Variants in CAGE1 observed in about 807,000 individuals in gnomAD.
CAGE1 encodes the protein cancer-associated gene 1 protein.
CAGE1 carries 66 observed loss-of-function variants against 94.9 expected under a neutral mutation model. The observed-to-expected ratio is 0.70, with a 90% CI of 0.57 to 0.85. CAGE1 has a LOEUF of 0.85. CAGE1 is among the 40% of genes least tolerant of loss of function. The pLI, the probability that CAGE1 is intolerant of heterozygous loss-of-function variation, is 0.00. For synonymous variants in CAGE1, 319 were observed against 321.0 expected (o/e 0.99, Z 0.07); for missense variants, 865 against 950.4 (o/e 0.91, Z 1.18).
At chr6:7,387,556 C>T (rs78768698) in intron 1 of CAGE1, among the ~76,000 whole-genome samples, 2,912 of 150,956 alleles carry the variant, frequency 0.019, 93 homozygotes, top group African/African-American at 0.065. Context: ...CACTTGAACA[C>T]CTCACTACCA....
intron 1 of CAGE1, among the ~76,000 whole-genome samples, chr6:7,388,032 CAAAAAAAAAAAAAA>C (rs70978963): frequency 6.2e-5 from 4 of 64,940 alleles, no homozygotes; most frequent in African/African-American, 1.7e-4. Context: ...GACTCCATCT[CAAAAAAAAAAAAAA>C]AAAAAAAAAG....
chr6:7,349,956 GA>G lies in CAGE1; in HGVS notation c.2369+5084del, dbSNP rs1381165829. 8.7e-3 allele frequency among the ~76,000 whole-genome samples: 1,238 copies of G among 142,944 alleles called. 21 individuals carry two copies. The highest frequency in any genetic ancestry group is 0.029 in the African/African-American group (1,137 of 38,734). The allele number at this position is 142,944 out of a possible 152,430, so 93.8% of individuals were successfully genotyped here. A position where few individuals can be genotyped will look rare whatever the true frequency, so the allele number is the denominator to read the frequency against. On this transcript the variant is annotated intron_variant, in intron 11 of 13. Coordinates refer to ENST00000502583, the MANE Select transcript of CAGE1 (RefSeq NM_001170692.2). ...TCAAAAAAAAAAAAAAAGAAAGAAA[GA>G]AAGAAAGAAGAAAAAAAAAGAACTC...
intron 7 of CAGE1, among the ~76,000 whole-genome samples, chr6:7,368,252 CAA>C (rs57530544): frequency 0.13 from 10,998 of 84,222 alleles, 371 homozygotes; most frequent in South Asian, 0.17. Context: ...GACTCTGTCT[CAA>C]AAAAAAAAAA....
At chr6:7,352,176 T>A (rs7748550) in intron 11 of CAGE1, among the ~76,000 whole-genome samples, 2,408 of 151,708 alleles carry the variant, frequency 0.016, 86 homozygotes, top group African/African-American at 0.055. Flanking sequence ...ACAAACGAAT[T>A]CAGCAACGTT....
At chr6:7,385,716 ATT>A in intron 3 of CAGE1, 67 bp downstream of exon 3, 1 of 835,184 alleles carries the variant, frequency 1.2e-6, no homozygotes, top group Non-Finnish European at 1.8e-6. Context: ...AAACCTGGCT[ATT>A]GTTACTATCA....
chr6:7,373,943 A>G lies in CAGE1; in HGVS notation c.876T>C (p.Ser292=), dbSNP rs764426003. The part of the protein sequence containing the change: ...ENCEMPDWEQ[S]AESLQPVQED... ...CTTGAACAGGTTGTAAGCTTTCAGC[A>G]CTTTGCTCCCAGTCAGGCATCTCAC... The change falls in exon 5 of 14, where the codon AGT becomes AGC. Residue 292 remains serine, a synonymous_variant. Transcript: ENST00000502583. 1 of 1,614,002 alleles carries G rather than the reference A, an allele frequency of 6.2e-7. No individual in the cohort carries two copies. Among genetic ancestry groups the G allele is most frequent in the Non-Finnish European group, 8.5e-7 (1 of 1,179,890 alleles).
intron 11 of CAGE1, among the ~76,000 whole-genome samples, chr6:7,345,417 C>T (rs775239850): frequency 6.6e-6 from 1 of 152,170 alleles, no homozygotes; most frequent in Non-Finnish European, 1.5e-5. Flanking sequence ...CTGTAACCCT[C>T]ACTGCAGGGG....
intron 9 of CAGE1, among the ~76,000 whole-genome samples, chr6:7,364,150 T>C (rs1398249885): frequency 1.3e-5 from 2 of 152,206 alleles, no homozygotes; most frequent in East Asian, 3.9e-4. Context: ...GACAACAGAA[T>C]GTATTGAGTG....
intron 11 of CAGE1, among the ~76,000 whole-genome samples, chr6:7,349,801 G>A (rs1759697731): frequency 6.6e-6 from 1 of 151,850 alleles, no homozygotes; most frequent in Admixed American, 6.6e-5. Flanking sequence ...GTGTGGTGGT[G>A]CACACCTGTA....
At chr6:7,384,719 C>CTT (rs576124256) in intron 3 of CAGE1, among the ~76,000 whole-genome samples, 36 of 146,460 alleles carry the variant, frequency 2.5e-4, no homozygotes, top group African/African-American at 7.0e-4. Context: ...ACACAGCTCT[C>CTT]TTTTTTTTTT....
intron 11 of CAGE1, among the ~76,000 whole-genome samples, chr6:7,350,158 CAAAG>C (rs774210063): frequency 4.6e-5 from 7 of 152,070 alleles, no homozygotes; most frequent in African/African-American, 7.2e-5. Flanking sequence ...TTAAAAGAGA[CAAAG>C]AGAGACATTA....
chr6:7,386,200 C>G (rs1164012043), intron 2 of CAGE1, among the ~76,000 whole-genome samples: 2 of 132,534 alleles, frequency 1.5e-5, no homozygotes, highest in East Asian at 4.4e-4. Context: ...TAAATCTAGT[C>G]TAAACAGCAT....
chr6:7,366,756 TC>T (rs1271034329), intron 7 of CAGE1, among the ~76,000 whole-genome samples: 2 of 152,008 alleles, frequency 1.3e-5, no homozygotes, highest in African/African-American at 4.8e-5. Flanking sequence ...TTGCATTGTA[TC>T]CTTTGCTGTG....
chr6:7,333,065 C>T (rs2113344811), intron 12 of CAGE1, among the ~76,000 whole-genome samples: 1 of 152,286 alleles, frequency 6.6e-6, no homozygotes, highest in South Asian at 2.1e-4. Flanking sequence ...ATTCTCCTGC[C>T]TCAGCCTCCT....
At chr6:7,341,923 C>T (rs1759192839) in intron 11 of CAGE1, 1 of 706,822 alleles carries the variant, frequency 1.4e-6, no homozygotes, top group African/African-American at 1.7e-5. Context: ...GTCCTCAATG[C>T]CGTTCGTGTC....
chr6:7,368,892 T>C (rs1760444112), intron 6 of CAGE1, 94 bp from the exon 7 acceptor site: 1 of 675,236 alleles, frequency 1.5e-6, no homozygotes, highest in African/African-American at 1.9e-5. Context: ...ACAAATCTCC[T>C]TTCAATAAGT....
intron 3 of CAGE1, among the ~76,000 whole-genome samples, chr6:7,380,519 C>T (rs1295337079): frequency 6.6e-6 from 1 of 151,920 alleles, no homozygotes; most frequent in African/African-American, 2.4e-5. Flanking sequence ...CATCTGTAAT[C>T]CCAGCTACTC....
intron 11 of CAGE1, among the ~76,000 whole-genome samples, chr6:7,354,270 C>T (rs1759878709): frequency 1.3e-5 from 2 of 152,062 alleles, no homozygotes; most frequent in Non-Finnish European, 2.9e-5. Flanking sequence ...TCAAATTTTA[C>T]ATTTCCTGAG....
intron 11 of CAGE1, among the ~76,000 whole-genome samples, chr6:7,340,215 CTTCTT>C (rs1353722367): frequency 6.6e-6 from 1 of 152,152 alleles, no homozygotes; most frequent in Non-Finnish European, 1.5e-5. Flanking sequence ...ATTTCCATAT[CTTCTT>C]TTAAGAATTG....
Sources: gnomAD v4.1 joint callset for allele counts (sites outside exome capture counted in the v4.1 genomes callset) on GRCh38, gnomAD v4.1.1 for gene constraint, MANE v1.5 for transcripts, NCBI Gene and HGNC (gene_info 2026-07-23, HGNC 2026-07-21) for gene names.